The following SGCZ variants were observed in gnomAD, a reference collection of about 807,000 sequenced individuals.
SGCZ encodes sarcoglycan zeta.
Under a neutral mutation model 41.3 loss-of-function variants are expected in SGCZ, and 40 were observed. The observed-to-expected ratio is 0.97, with a 90% CI of 0.75 to 1.26. The LOEUF is 1.26. SGCZ is among the 50% of genes most tolerant of loss of function. The probability of loss-of-function intolerance (pLI) is 0.00; values close to 1 mark genes in which losing one functional copy is unlikely to be tolerated. For missense variants in SGCZ, 552 were observed against 369.8 expected, an observed-to-expected ratio of 1.49 and a Z score of -4.04; for synonymous variants, 206 against 137.5, an observed-to-expected ratio of 1.50 and a Z score of -3.49.
At chr8:14,290,985 T>C (rs77123611) in intron 3 of SGCZ, among the ~76,000 whole-genome samples, 2,728 of 152,238 alleles carry the variant, frequency 0.018, 34 homozygotes, top group Non-Finnish European at 0.026. Context: ...ATTGTAAATA[T>C]GTACCATGAA....
chr8:14,610,325 C>G (rs752005017), intron 1 of SGCZ, among the ~76,000 whole-genome samples: 2 of 152,200 alleles, frequency 1.3e-5, no homozygotes, highest in African/African-American at 2.4e-5. Flanking sequence ...TGCCCTCCCT[C>G]TACAAGACAA....
chr8:14,532,211 G>T (rs1021957315), intron 2 of SGCZ, among the ~76,000 whole-genome samples: 2 of 151,694 alleles, frequency 1.3e-5, no homozygotes, highest in African/African-American at 4.8e-5. Context: ...GTATCCAGAT[G>T]ATAGAGAAGA....
At chr8:14,794,064 G>A (rs899122520) in intron 1 of SGCZ, among the ~76,000 whole-genome samples, 2 of 152,108 alleles carry the variant, frequency 1.3e-5, no homozygotes, top group South Asian at 2.1e-4. Context: ...AGAAACCACT[G>A]TTCCTCATTA....
chr8:14,244,996 G>A (rs935444080), intron 3 of SGCZ, among the ~76,000 whole-genome samples: 13 of 152,142 alleles, frequency 8.5e-5, no homozygotes, highest in Non-Finnish European at 1.3e-4. Flanking sequence ...ATTTTGGGCT[G>A]AGACAATGGG....
chr8:14,459,761 G>A (rs1356114073), intron 2 of SGCZ, among the ~76,000 whole-genome samples: 1 of 151,898 alleles, frequency 6.6e-6, no homozygotes, highest in Non-Finnish European at 1.5e-5. Flanking sequence ...CACTACTATG[G>A]TATTCTCACA....
At chr8:14,684,900 C>T (rs987389919) in intron 1 of SGCZ, among the ~76,000 whole-genome samples, 5 of 152,060 alleles carry the variant, frequency 3.3e-5, no homozygotes, top group Non-Finnish European at 5.9e-5. Flanking sequence ...CTGTGCAGGT[C>T]GTAATTCCTG....
intron 2 of SGCZ, among the ~76,000 whole-genome samples, chr8:14,537,578 G>C (rs1409920983): frequency 7.0e-6 from 1 of 142,874 alleles, no homozygotes; most frequent in Non-Finnish European, 1.5e-5. Flanking sequence ...TTCACTTCTT[G>C]AGCTCTTCTC....
chr8:14,315,981 A>G (rs1333731351), intron 3 of SGCZ, among the ~76,000 whole-genome samples: 1 of 151,964 alleles, frequency 6.6e-6, no homozygotes, highest in Non-Finnish European at 1.5e-5. Flanking sequence ...ACAAAATGTA[A>G]CAAAAGCGAG....
intron 1 of SGCZ, among the ~76,000 whole-genome samples, chr8:15,183,193 G>A: frequency 6.6e-6 from 1 of 152,278 alleles, no homozygotes. Context: ...ACACTCTAAA[G>A]TATGCATCAA....
In SGCZ at chr8:14,669,389, A is replaced by AAG. The variant is rs1563191230; in HGVS notation, c.40-114464_40-114463insCT. The stretch of plus-strand genomic sequence containing the variant: ...AGTAAGTAAGTAAGTAAGTAAGTAA[A>AAG]TAAATAAATAAATAAATAAATAGGG... On this transcript the variant is annotated intron_variant, in intron 1 of 7. Transcript: ENST00000382080. Among the ~76,000 whole-genome samples, 223 of 24,088 alleles carry AAG rather than the reference A, an allele frequency of 9.3e-3. 1 individual carries two copies. In the East Asian group the frequency reaches 0.18, roughly 20 times the overall value. 15.8% of individuals were successfully genotyped at this position (24,088 alleles called of 152,430 possible). A position where few individuals can be genotyped will look rare whatever the true frequency, so the allele number is the denominator to read the frequency against.
At chr8:14,270,820 T>C (rs1004780508) in intron 3 of SGCZ, among the ~76,000 whole-genome samples, 1 of 152,158 alleles carries the variant, frequency 6.6e-6, no homozygotes, top group Non-Finnish European at 1.5e-5. Context: ...TGATATAGAC[T>C]GGATTAAGAA....
At chr8:14,597,390 A>G (rs143757842) in intron 1 of SGCZ, among the ~76,000 whole-genome samples, 1 of 152,356 alleles carries the variant, frequency 6.6e-6, no homozygotes, top group Non-Finnish European at 1.5e-5. Context: ...AAAACATAAG[A>G]TAATTTATAA....
chr8:15,237,483 G>A, intron 1 of SGCZ, 102 bp downstream of exon 1: 1 of 1,390,294 alleles, frequency 7.2e-7, no homozygotes, highest in South Asian at 1.2e-5. Flanking sequence ...CGTCCCGCGG[G>A]ACCACCAACT....
At chr8:15,090,445 A>G (rs1039099111) in intron 1 of SGCZ, among the ~76,000 whole-genome samples, 1 of 152,202 alleles carries the variant, frequency 6.6e-6, no homozygotes, top group African/African-American at 2.4e-5. Flanking sequence ...AGAGAATGCT[A>G]GAGAACAAAG....
intron 5 of SGCZ, among the ~76,000 whole-genome samples, chr8:14,120,764 A>G (rs1262701224): frequency 6.6e-6 from 1 of 152,142 alleles, no homozygotes; most frequent in Non-Finnish European, 1.5e-5. Context: ...TATTAAATTT[A>G]ATCAAAAGGC....
At chr8:14,246,487 C>A (rs1219960561) in intron 3 of SGCZ, among the ~76,000 whole-genome samples, 5 of 151,668 alleles carry the variant, frequency 3.3e-5, no homozygotes, top group Middle Eastern at 3.5e-3. Flanking sequence ...AGGAGATATA[C>A]CTAATGCTAA....
intron 4 of SGCZ, among the ~76,000 whole-genome samples, chr8:14,226,470 T>A (rs1462954818): frequency 2.0e-5 from 3 of 152,098 alleles, no homozygotes; most frequent in Non-Finnish European, 4.4e-5. Flanking sequence ...GAACGTCATA[T>A]AAATGCCATC....
At chr8:14,190,333 G>C (rs1003860808) in intron 4 of SGCZ, among the ~76,000 whole-genome samples, 4 of 151,404 alleles carry the variant, frequency 2.6e-5, no homozygotes, top group Non-Finnish European at 5.9e-5. Flanking sequence ...CTTTTTTAAG[G>C]CTGAATAATA....
intron 1 of SGCZ, among the ~76,000 whole-genome samples, chr8:15,056,581 G>A (rs1003368438): frequency 5.3e-5 from 8 of 150,956 alleles, no homozygotes; most frequent in African/African-American, 1.9e-4. Flanking sequence ...GTGTCTAAAT[G>A]TAGATATGAG....
Sources: gnomAD v4.1 joint callset for allele counts (sites outside exome capture counted in the v4.1 genomes callset) on GRCh38, gnomAD v4.1.1 for gene constraint, MANE v1.5 for transcripts, NCBI Gene and HGNC (gene_info 2026-07-23, HGNC 2026-07-21) for gene names.